Variants in SDK1 observed in about 807,000 individuals in gnomAD.
SDK1 encodes sidekick cell adhesion molecule 1, also known as protein sidekick-1.
A neutral mutation model predicts 245.5 loss-of-function variants in SDK1; 157 were observed. The ratio of observed to expected loss-of-function variants is 0.64; its 90% CI spans 0.56 to 0.73. The LOEUF (loss-of-function observed/expected upper bound fraction) is 0.73, where lower values mean the gene tolerates loss of function less well. SDK1 is among the 30% of genes least tolerant of loss of function. The probability of loss-of-function intolerance (pLI) is 0.00; values close to 1 mark genes in which losing one functional copy is unlikely to be tolerated. For synonymous variants in SDK1, 1,647 were observed against 1,278.5 expected (o/e 1.29, Z -6.15); for missense variants, 3,583 against 3,002.3 (o/e 1.19, Z -4.52).
intron 1 of SDK1, among the ~76,000 whole-genome samples, chr7:3,331,667 C>CT (rs756150817): frequency 1.2e-4 from 18 of 152,120 alleles, no homozygotes; most frequent in African/African-American, 1.7e-4. Context: ...TATCTGAACA[C>CT]AAGTCTTTAA....
Position 4,017,325 on chromosome 7 carries a change from G to A in SDK1, c.2575G>A (p.Ala859Thr). The A allele has an allele frequency of 6.2e-7, 1 of 1,613,272 alleles. No homozygotes were observed. The highest frequency in any genetic ancestry group is 2.2e-5 in the East Asian group (1 of 44,876). Residue 859 changes from alanine (A) to threonine (T), a missense_variant, in exon 17 of 45, where the codon GCA becomes ACA. Ala to Thr is a moderately conservative substitution (Grantham distance 58). Transcript: ENST00000404826. The stretch of plus-strand genomic sequence containing the variant: ...GGCCGGTCTGGGCGTCTTCAGCAGG[G>A]CAGTGACCGAGTACACCTTGCAGGG... ...NGAGLGVFSR[A>T]VTEYTLQGVP... is the part of the protein sequence containing the mutation.
chr7:3,453,306 G>C (rs1780573954), intron 1 of SDK1, among the ~76,000 whole-genome samples: 1 of 152,134 alleles, frequency 6.6e-6, no homozygotes, highest in African/African-American at 2.4e-5. Flanking sequence ...GCAGAGCCCT[G>C]GTCCCCTGAA....
At chr7:3,975,911 G>T (rs183623460) in intron 13 of SDK1, among the ~76,000 whole-genome samples, 8 of 147,800 alleles carry the variant, frequency 5.4e-5, no homozygotes, top group Middle Eastern at 3.5e-3. Flanking sequence ...GCCACGTAGA[G>T]GGTCCTCCAG....
intron 1 of SDK1, among the ~76,000 whole-genome samples, chr7:3,584,494 T>G (rs1439721773): frequency 6.6e-6 from 1 of 152,142 alleles, no homozygotes; most frequent in Non-Finnish European, 1.5e-5. Context: ...TGGCCCCACC[T>G]GAAGTCCCCT....
rs1372258087 is a variant in SDK1, at chr7:3,800,915, C to CA, written c.714-20534dup. Among the ~76,000 whole-genome samples, 13 of 152,322 alleles carry CA rather than the reference C, an allele frequency of 8.5e-5. No individual in the cohort carries two copies. The East Asian group carries it at 2.5e-3, about 29-fold the overall frequency. Reference sequence around the variant, plus strand: ...TGGCCTAGTGGACTTGTCCTTGTTACAGTTCTTGGTTCTAGTTGAACACCC... The same window carrying CA: ...TGGCCTAGTGGACTTGTCCTTGTTACAAGTTCTTGGTTCTAGTTGAACACCC... On this transcript the variant is annotated intron_variant, in intron 4 of 44. Transcript: ENST00000404826.
Position 3,301,583 on chromosome 7 carries a change from C to T in SDK1, c.-4C>T, listed in dbSNP as rs1236472383. On this transcript the variant is annotated 5_prime_UTR_variant, in exon 1 of 45. Coordinates refer to ENST00000404826, the MANE Select transcript of SDK1 (RefSeq NM_152744.4). The stretch of plus-strand genomic sequence containing the variant: ...CGCGGCGCTCGGGGTGGCGGCTGCT[C>T]GGCATGGCCCGGGGCGCCCGGCCCT... 9 of 962,794 alleles carry T rather than the reference C, an allele frequency of 9.3e-6. No homozygotes were observed. Among genetic ancestry groups the T allele is most frequent in the Non-Finnish European group, 1.1e-5 (9 of 813,526 alleles). The allele number at this position is 962,794 out of a possible 1,614,324, so 59.6% of individuals were successfully genotyped here.
chr7:3,659,773 T>C (rs1337732152), intron 4 of SDK1, among the ~76,000 whole-genome samples: 9 of 152,170 alleles, frequency 5.9e-5, no homozygotes, highest in African/African-American at 2.2e-4. Flanking sequence ...CTTCTGCAAA[T>C]GCCCCGGCAA....
At chr7:3,318,805 A>G (rs367571016) in intron 1 of SDK1, among the ~76,000 whole-genome samples, 145 of 152,348 alleles carry the variant, frequency 9.5e-4, no homozygotes, top group Admixed American at 1.5e-3. Context: ...ACAAAGAAGG[A>G]ATATTTTCTT....
intron 43 of SDK1, among the ~76,000 whole-genome samples, chr7:4,245,230 A>G (rs1409427201): frequency 2.6e-5 from 4 of 151,914 alleles, no homozygotes; most frequent in South Asian, 2.1e-4. Context: ...AACTTCCCCA[A>G]TTCCCTCTCA....
intron 1 of SDK1, among the ~76,000 whole-genome samples, chr7:3,383,285 C>A (rs898257100): frequency 1.3e-5 from 2 of 151,988 alleles, no homozygotes; most frequent in Admixed American, 6.6e-5. Flanking sequence ...GTGGCATGTG[C>A]CTGTGGTTCC....
At chr7:3,512,511 G>C (rs993132369) in intron 1 of SDK1, among the ~76,000 whole-genome samples, 6 of 151,992 alleles carry the variant, frequency 3.9e-5, no homozygotes, top group Non-Finnish European at 8.8e-5. Flanking sequence ...GTACGGGTAT[G>C]TTTCGTTTTG....
At chr7:3,370,520 A>G (rs981779180) in intron 1 of SDK1, among the ~76,000 whole-genome samples, 4 of 152,182 alleles carry the variant, frequency 2.6e-5, no homozygotes, top group Admixed American at 1.3e-4. Context: ...TAAAAAGGAA[A>G]CAGACTGTTA....
chr7:3,449,695 C>T (rs1428592656), intron 1 of SDK1, among the ~76,000 whole-genome samples: 1 of 152,152 alleles, frequency 6.6e-6, no homozygotes, highest in East Asian at 1.9e-4. Context: ...TTAATAGTAG[C>T]ATTTAAACCC....
At chr7:3,744,214 C>T (rs1415901945) in intron 4 of SDK1, among the ~76,000 whole-genome samples, 2 of 152,128 alleles carry the variant, frequency 1.3e-5, no homozygotes, top group East Asian at 3.9e-4. Flanking sequence ...CAAGAAAGGT[C>T]CTCTTCATCC....
At chr7:3,530,817 A>G (rs1337445968) in intron 1 of SDK1, among the ~76,000 whole-genome samples, 1 of 152,212 alleles carries the variant, frequency 6.6e-6, no homozygotes, top group Non-Finnish European at 1.5e-5. Flanking sequence ...CTGTGAAACA[A>G]TTTGTGTGAT....
chr7:4,101,509 G>T (rs1562810584), intron 22 of SDK1, among the ~76,000 whole-genome samples: 1 of 152,200 alleles, frequency 6.6e-6, no homozygotes, highest in South Asian at 2.1e-4. Flanking sequence ...GAGGTTGGGA[G>T]CTTCTACATC....
intron 5 of SDK1, among the ~76,000 whole-genome samples, chr7:3,902,097 G>A (rs1781810375): frequency 6.6e-6 from 1 of 152,172 alleles, no homozygotes; most frequent in Non-Finnish European, 1.5e-5. Flanking sequence ...GCCTTTGAGT[G>A]CAATATGATA....
At chr7:3,497,867 A>G (rs1342506933) in intron 1 of SDK1, among the ~76,000 whole-genome samples, 3 of 152,178 alleles carry the variant, frequency 2.0e-5, no homozygotes, top group African/African-American at 7.2e-5. Context: ...GCACATCTTA[A>G]TCCCTGATGG....
intron 1 of SDK1, among the ~76,000 whole-genome samples, chr7:3,504,887 C>T (rs988332044): frequency 1.3e-5 from 2 of 151,938 alleles, no homozygotes; most frequent in African/African-American, 4.8e-5. Context: ...TAATATATGA[C>T]CTAGCAATTC....
Sources: allele counts gnomAD v4.1 joint callset (sites outside exome capture counted in the v4.1 genomes callset), GRCh38; gene constraint gnomAD v4.1.1; transcripts MANE v1.5; gene names NCBI Gene and HGNC (gene_info 2026-07-23, HGNC 2026-07-21).